MYCBP2: variants seen among roughly 807,000 people sequenced by gnomAD.
MYCBP2 encodes the protein E3 ubiquitin-protein ligase MYCBP2.
In MYCBP2, 120 loss-of-function variants were observed where a neutral mutation model predicts 525.3. The observed-to-expected ratio is 0.23, with a 90% CI of 0.20 to 0.27. The LOEUF is 0.27. Ranked by LOEUF, MYCBP2 falls within the 10% of genes least tolerant of loss-of-function variation. The pLI is 1.00. For missense variants in MYCBP2, 4,149 were observed against 5,657.1 expected (o/e 0.73, Z 8.55); for synonymous variants, 1,894 against 1,955.8 (o/e 0.97, Z 0.83).
rs1232417205 is a variant in MYCBP2 at position 77,270,040 on chromosome 13, G to A, written c.1212C>T (p.Ser404=). 2 of 1,611,830 alleles carry A rather than the reference G, an allele frequency of 1.2e-6. No homozygotes were observed. The highest frequency in any genetic ancestry group is 2.7e-5 in the African/African-American group (2 of 74,760). Residue 404 remains serine (S), a synonymous_variant, in exon 7 of 83, where the codon TCC becomes TCT. Coordinates refer to ENST00000544440, the MANE Select transcript of MYCBP2 (RefSeq NM_015057.5). ...TTTTTTCTTTTCTGTTTCTAATACG[G>A]GATGTAGAATTGTATATATGGCCCT... The part of the protein sequence containing the change: ...TVRGHIYNST[S]RIRNRKEKKS...
intron 2 of MYCBP2, among the ~76,000 whole-genome samples, chr13:77,289,083 A>G (rs1425275868): frequency 6.6e-6 from 1 of 152,138 alleles, no homozygotes; most frequent in Non-Finnish European, 1.5e-5. Flanking sequence ...TATTTTAGAA[A>G]TTCAACTTCC....
intron 30 of MYCBP2, 77 bp from the exon 31 acceptor site, chr13:77,186,140 G>A: frequency 9.5e-7 from 1 of 1,056,694 alleles, no homozygotes; most frequent in South Asian, 2.6e-5. Context: ...AAAGGCAATG[G>A]TAGACAACTT....
At chr13:77,229,753 T>C (rs2066874499) in intron 18 of MYCBP2, among the ~76,000 whole-genome samples, 1 of 152,220 alleles carries the variant, frequency 6.6e-6, no homozygotes. Flanking sequence ...CATGTAGTTC[T>C]AGTAAATGAC....
At chr13:77,047,309 C>T (rs2035767370) in intron 82 of MYCBP2, among the ~76,000 whole-genome samples, 1 of 152,122 alleles carries the variant, frequency 6.6e-6, no homozygotes, top group Non-Finnish European at 1.5e-5. Context: ...ATTATTTTTT[C>T]TGATTCTTAG....
At chr13:77,091,566 G>A (rs979683207) in intron 59 of MYCBP2, among the ~76,000 whole-genome samples, 6 of 152,080 alleles carry the variant, frequency 3.9e-5, no homozygotes, top group Non-Finnish European at 7.4e-5. Context: ...GCCTCCTGTA[G>A]GATGGTTAGC....
intron 10 of MYCBP2, 28 bp from the exon 11 acceptor site, chr13:77,262,157 T>C: frequency 1.3e-6 from 2 of 1,559,388 alleles, no homozygotes; most frequent in Non-Finnish European, 1.8e-6. Flanking sequence ...TAAATACTAT[T>C]GCATTTCTAA....
At chr13:77,244,406 A>G (rs2069492662) in intron 15 of MYCBP2, among the ~76,000 whole-genome samples, 1 of 152,186 alleles carries the variant, frequency 6.6e-6, no homozygotes, top group Non-Finnish European at 1.5e-5. Context: ...TTCATGTAAT[A>G]TGTCTCCTTC....
intron 38 of MYCBP2, 46 bp from the exon 39 acceptor site, chr13:77,169,760 T>C (rs1426982532): frequency 6.8e-7 from 1 of 1,476,238 alleles, no homozygotes; most frequent in Admixed American, 1.7e-5. Context: ...CAGAAGGTAA[T>C]TTCATTGTAC....
chr13:77,050,188 C>T (rs541234735), intron 82 of MYCBP2, among the ~76,000 whole-genome samples: 6 of 152,188 alleles, frequency 3.9e-5, no homozygotes, highest in South Asian at 2.1e-4. Context: ...AGGGTTGATA[C>T]GCTGGTAATT....
At chr13:77,319,415 T>C (rs2081331900) in intron 1 of MYCBP2, among the ~76,000 whole-genome samples, 1 of 152,200 alleles carries the variant, frequency 6.6e-6, no homozygotes, top group African/African-American at 2.4e-5. Context: ...GACCTTAGCA[T>C]AGCTGAGAGA....
chr13:77,123,322 A>C (rs1401131174), intron 54 of MYCBP2, among the ~76,000 whole-genome samples: 1 of 152,214 alleles, frequency 6.6e-6, no homozygotes, highest in South Asian at 2.1e-4. Context: ...TCTATACATC[A>C]AGAGTAAAAG....
intron 1 of MYCBP2, among the ~76,000 whole-genome samples, chr13:77,301,038 T>C (rs1409833399): frequency 6.6e-6 from 1 of 152,150 alleles, no homozygotes; most frequent in Non-Finnish European, 1.5e-5. Context: ...GACTGGAATC[T>C]AGAAAAGCTC....
Position 77,140,931 on chromosome 13 carries a change from T to C in MYCBP2, c.7316A>G (p.Glu2439Gly), listed in dbSNP as rs2054511152. 1 of 1,607,714 alleles carries C rather than the reference T, an allele frequency of 6.2e-7. No homozygotes were observed. Among genetic ancestry groups the C allele is most frequent in the Admixed American group, 1.7e-5 (1 of 58,264 alleles). The change falls in exon 50 of 83, where the codon GAA becomes GGA. Residue 2439 changes from glutamate (E) to glycine (G), a missense_variant. By Grantham distance (98) the Glu-to-Gly change is moderately conservative. Coordinates refer to ENST00000544440, the MANE Select transcript of MYCBP2 (RefSeq NM_015057.5). ...TTTTGGTGGGTCTTTTACTTTTACT[T>C]CCAGACCAGCATCTGTCAGAAAAAT... ...IDGIEIDAGLEVKVKDPPKGM... is the reference protein window; with the variant it reads ...IDGIEIDAGLGVKVKDPPKGM...
chr13:77,301,728 G>GA lies in MYCBP2; in HGVS notation c.303-5055dup, dbSNP rs1281259467. Reference sequence around the variant, plus strand: ...ATATGTGGCAGACACATAATCAAGAGAAAACCAGAAAATTAGTCAGACTCA... The same window carrying GA: ...ATATGTGGCAGACACATAATCAAGAGAAAAACCAGAAAATTAGTCAGACTCA... On this transcript the variant is annotated intron_variant, in intron 1 of 82. Coordinates refer to ENST00000544440, the MANE Select transcript of MYCBP2 (RefSeq NM_015057.5). Among the ~76,000 whole-genome samples the GA allele has an allele frequency of 3.3e-5, 5 of 152,232 alleles. No individual in the cohort carries two copies. In the East Asian group the frequency reaches 9.6e-4, roughly 29 times the overall value.
In MYCBP2 at chr13:77,140,907, T is replaced by C; in HGVS notation, c.7340A>G (p.Lys2447Arg). 1.9e-6 allele frequency: 3 copies of C among 1,612,514 alleles called. No individual in the cohort carries two copies. The highest frequency in any genetic ancestry group is 2.5e-6 in the Non-Finnish European group (3 of 1,179,612). Residue 2447 changes from lysine (K) to arginine (R), a missense_variant, in exon 50 of 83, where the codon AAA (lysine) becomes AGA (arginine). Around this residue, in one of 21 missense-constraint regions of MYCBP2, gnomAD observed 692 missense variants for 852.7 expected, o/e 0.81. Coordinates refer to ENST00000544440, the MANE Select transcript of MYCBP2 (RefSeq NM_015057.5). ...CTGAGTTCCTGGTGGTATCATCCCTTTTGGTGGGTCTTTTACTTTTACTTC... is the reference window on the plus strand; with the variant it reads ...CTGAGTTCCTGGTGGTATCATCCCTCTTGGTGGGTCTTTTACTTTTACTTC... ...GLEVKVKDPP[K>R]GMIPPGTQLV...
chr13:77,066,515 T>C lies in MYCBP2; in HGVS notation c.12456-427A>G, dbSNP rs191911784. ...TTAACATTCTGATGTTATCTGCATA[T>C]TGTCATGGATTGGCTCTACAAGTAG... On this transcript the variant is annotated intron_variant, in intron 71 of 82. Transcript: ENST00000544440. Among the ~76,000 whole-genome samples the C allele has an allele frequency of 1.7e-3, 254 of 152,346 alleles. 4 individuals carry two copies. Among genetic ancestry groups the C allele is most frequent in the African/African-American group, 5.4e-3 (225 of 41,598 alleles).
intron 79 of MYCBP2, 76 bp from the exon 80 acceptor site, chr13:77,055,843 T>C: frequency 1.0e-6 from 1 of 971,424 alleles, no homozygotes; most frequent in Non-Finnish European, 1.6e-6. Flanking sequence ...TGCACCTAAG[T>C]GCCAAGCATT....
At chr13:77,270,588 A>C (rs749909138) in intron 5 of MYCBP2, 50 bp from the exon 6 acceptor site, 9 of 1,502,002 alleles carry the variant, frequency 6.0e-6, no homozygotes, top group Middle Eastern at 1.8e-4. Context: ...AAATGTTACA[A>C]ACACAGAACA....
At chr13:77,144,368 G>A (rs1481026801) in intron 49 of MYCBP2, 77 bp downstream of exon 49, 1 of 1,034,392 alleles carries the variant, frequency 9.7e-7, no homozygotes, top group East Asian at 2.4e-5. Context: ...AAGTTAATGG[G>A]CAAAACTAGA....
Sources: allele counts gnomAD v4.1 joint callset (sites outside exome capture counted in the v4.1 genomes callset), GRCh38; gene constraint gnomAD v4.1.1; regional missense constraint gnomAD v4.1.1; transcripts MANE v1.5; gene names NCBI Gene and HGNC (gene_info 2026-07-23, HGNC 2026-07-21).